Variants in CDH20 observed in about 807,000 individuals in gnomAD.
CDH20 encodes the protein cadherin 20.
Under a neutral mutation model 74.2 loss-of-function variants are expected in CDH20, and 29 were observed. The observed-to-expected ratio is 0.39, with a 90% CI of 0.29 to 0.53. CDH20 has a LOEUF of 0.53. Among genes scored for constraint, CDH20 ranks in the 20% least tolerant of loss-of-function variants. The pLI, the probability that CDH20 is intolerant of heterozygous loss-of-function variation, is 0.69. For synonymous variants in CDH20, 469 were observed against 405.4 expected (o/e 1.16, Z -1.88); for missense variants, 988 against 1,048.3 (o/e 0.94, Z 0.79).
At chr18:61,438,262 T>C (rs375531698) in intron 1 of CDH20, among the ~76,000 whole-genome samples, 3 of 152,274 alleles carry the variant, frequency 2.0e-5, no homozygotes, top group South Asian at 4.2e-4. Flanking sequence ...CTAAGGAACA[T>C]AACAAATTTC....
rs1909637859 is a variant in CDH20, at chr18:61,333,522, TG to T, written c.-456del. On this transcript the variant is annotated 5_prime_UTR_variant, in exon 1 of 12. Coordinates refer to ENST00000262717, the MANE Select transcript of CDH20 (RefSeq NM_031891.4). ...ACCGCGACCAGGGGGCTCTTCTCAC[TG>T]GACAGGCCGAACGCGGTGGCCGCGG... The T allele has an allele frequency of 6.6e-6, 1 of 152,310 alleles. No individual in the cohort carries two copies. The allele number at this position is 152,310 out of a possible 1,614,324, so 9.4% of individuals were successfully genotyped here. A position where few individuals can be genotyped will look rare whatever the true frequency, so the allele number is the denominator to read the frequency against.
chr18:61,351,298 C>T (rs1910296694), intron 1 of CDH20, among the ~76,000 whole-genome samples: 1 of 152,150 alleles, frequency 6.6e-6, no homozygotes, highest in South Asian at 2.1e-4. Context: ...TCACTCCCCC[C>T]ATCCTCTGGT....
At chr18:61,408,237 T>C (rs1317965281) in intron 1 of CDH20, among the ~76,000 whole-genome samples, 1 of 152,058 alleles carries the variant, frequency 6.6e-6, no homozygotes, top group Admixed American at 6.6e-5. Context: ...AGTTTGAAGA[T>C]GGTGGCAGCA....
At chr18:61,364,983 G>A (rs1482801127) in intron 1 of CDH20, among the ~76,000 whole-genome samples, 1 of 152,176 alleles carries the variant, frequency 6.6e-6, no homozygotes, top group Non-Finnish European at 1.5e-5. Flanking sequence ...AATGTTGACA[G>A]AATCTCATTT....
At chr18:61,392,499 G>A (rs1911826045) in intron 1 of CDH20, among the ~76,000 whole-genome samples, 1 of 152,122 alleles carries the variant, frequency 6.6e-6, no homozygotes, top group Admixed American at 6.5e-5. Context: ...TAGTCTCACA[G>A]CTCTCTTCCT....
intron 1 of CDH20, among the ~76,000 whole-genome samples, chr18:61,407,641 T>C (rs1030797336): frequency 6.6e-6 from 1 of 152,216 alleles, no homozygotes; most frequent in Non-Finnish European, 1.5e-5. Context: ...TAGCCCCCGA[T>C]AGAATGTACT....
At chr18:61,364,133 G>A (rs1206696638) in intron 1 of CDH20, among the ~76,000 whole-genome samples, 2 of 152,028 alleles carry the variant, frequency 1.3e-5, no homozygotes, top group East Asian at 1.9e-4. Context: ...TGGTGGGGGG[G>A]AACATGATGA....
intron 1 of CDH20, among the ~76,000 whole-genome samples, chr18:61,404,029 A>T (rs1376304377): frequency 6.6e-6 from 1 of 152,198 alleles, no homozygotes; most frequent in Non-Finnish European, 1.5e-5. Flanking sequence ...GAAGCTGAAG[A>T]ATGAGAACAC....
chr18:61,508,836 T>C (rs1027072340), intron 6 of CDH20, among the ~76,000 whole-genome samples: 3 of 152,156 alleles, frequency 2.0e-5, no homozygotes, highest in Non-Finnish European at 4.4e-5. Flanking sequence ...AGGGTTTCAC[T>C]GTGTTACCCA....
chr18:61,512,635 A>G (rs1472064849), intron 6 of CDH20, among the ~76,000 whole-genome samples: 1 of 152,204 alleles, frequency 6.6e-6, no homozygotes, highest in Non-Finnish European at 1.5e-5. Flanking sequence ...ATCTTGTTTC[A>G]ATGCCAAATC....
At chr18:61,461,924 C>T (rs1196444254) in intron 1 of CDH20, among the ~76,000 whole-genome samples, 3 of 152,108 alleles carry the variant, frequency 2.0e-5, no homozygotes, top group Non-Finnish European at 4.4e-5. Flanking sequence ...CAATCAGAGG[C>T]TAAATAGTTA....
At chr18:61,378,128 C>T (rs571864104) in intron 1 of CDH20, among the ~76,000 whole-genome samples, 37 of 152,212 alleles carry the variant, frequency 2.4e-4, no homozygotes, top group African/African-American at 8.9e-4. Flanking sequence ...GCTCATTCTA[C>T]CCCAGGAGCA....
chr18:61,393,525 A>G (rs1027547265), intron 1 of CDH20, among the ~76,000 whole-genome samples: 5 of 152,190 alleles, frequency 3.3e-5, no homozygotes, highest in African/African-American at 1.2e-4. Flanking sequence ...AAGGTGGCTA[A>G]TGGTTTTATT....
rs1197069909 is a variant in CDH20, at chr18:61,554,678, C to T, written c.2389C>T (p.Pro797Ser). The part of the protein sequence containing the change: ...LAELYGASEG[P>S]APLW ...CGAGCTCTACGGGGCGTCGGAGGGACCCGCGCCGCTGTGGTGACGGAAGCC... is the reference window on the plus strand; with the variant it reads ...CGAGCTCTACGGGGCGTCGGAGGGATCCGCGCCGCTGTGGTGACGGAAGCC... Residue 797 changes from proline to serine, a missense_variant, in exon 12 of 12, where the codon CCC (proline) becomes TCC (serine). Coordinates refer to ENST00000262717, the MANE Select transcript of CDH20 (RefSeq NM_031891.4). 4 of 1,575,516 alleles carry T rather than the reference C, an allele frequency of 2.5e-6. No homozygotes were observed. The African/African-American group carries it at 4.0e-5, about 16-fold the overall frequency.
chr18:61,389,769 A>G (rs563514757), intron 1 of CDH20, among the ~76,000 whole-genome samples: 11 of 151,800 alleles, frequency 7.2e-5, no homozygotes, highest in Non-Finnish European at 1.2e-4. Context: ...ACCTGGGCCC[A>G]CTCTTTCTAA....
rs775592319 is a variant in CDH20 at position 61,528,026 on chromosome 18, C to T, written c.1077C>T (p.His359=). 3.1e-6 allele frequency: 5 copies of T among 1,614,088 alleles called. No individual in the cohort carries two copies. The East Asian group carries it at 8.9e-5, about 29-fold the overall frequency. The change falls in exon 7 of 12, where the codon CAC becomes CAT. Residue 359 remains histidine, a synonymous_variant. Coordinates refer to ENST00000262717, the MANE Select transcript of CDH20 (RefSeq NM_031891.4). ...YTLKVEGANP[H]LEMRFLNLGP... ...TAAAGGTGGAGGGAGCCAATCCTCA[C>T]CTAGAGATGCGTTTTCTGAACTTGG...
chr18:61,411,580 GTATATATATATATATATA>G (rs145701176), intron 1 of CDH20, among the ~76,000 whole-genome samples: 6,659 of 149,862 alleles, frequency 0.044, 350 homozygotes, highest in African/African-American at 0.11. Flanking sequence ...GTGTGTGTGT[GTATATATATATATATATA>G]TATATATATA....
chr18:61,477,445 C>A (rs1272078047), intron 1 of CDH20, among the ~76,000 whole-genome samples: 1 of 152,110 alleles, frequency 6.6e-6, no homozygotes. Flanking sequence ...TATAAAACTG[C>A]AAAGTGGCTA....
At chr18:61,425,706 G>A (rs751690610) in intron 1 of CDH20, among the ~76,000 whole-genome samples, 9 of 152,202 alleles carry the variant, frequency 5.9e-5, no homozygotes, top group African/African-American at 9.7e-5. Flanking sequence ...CTTGGGGAAA[G>A]GAGAAGGGGG....
Sources: gnomAD v4.1 joint callset for allele counts (sites outside exome capture counted in the v4.1 genomes callset) on GRCh38, gnomAD v4.1.1 for gene constraint, MANE v1.5 for transcripts, NCBI Gene and HGNC (gene_info 2026-07-23, HGNC 2026-07-21) for gene names.